LINGO2: variants seen among roughly 807,000 people sequenced by gnomAD.
LINGO2 encodes the protein leucine rich repeat and Ig domain containing 2, also known as leucine-rich repeat and immunoglobulin-like domain-containing nogo receptor-interacting protein 2.
Under a neutral mutation model 30.6 loss-of-function variants are expected in LINGO2, and 14 were observed. The observed-to-expected ratio is 0.46, with a 90% CI of 0.30 to 0.72. LINGO2 has a LOEUF of 0.72. LINGO2 is among the 30% of genes least tolerant of loss of function. The pLI, the probability that LINGO2 is intolerant of heterozygous loss-of-function variation, is 0.07. For synonymous variants in LINGO2, 317 were observed against 288.5 expected (o/e 1.10, Z -1.00); for missense variants, 729 against 751.7 (o/e 0.97, Z 0.35).
At chr9:28,140,831 C>T (rs1827651653) in intron 4 of LINGO2, among the ~76,000 whole-genome samples, 1 of 151,970 alleles carries the variant, frequency 6.6e-6, no homozygotes, top group Non-Finnish European at 1.5e-5. Context: ...CTCTAATGTC[C>T]TGTACAGGTC....
At chr9:28,277,859 A>AC (rs1430859936) in intron 4 of LINGO2, among the ~76,000 whole-genome samples, 3 of 151,840 alleles carry the variant, frequency 2.0e-5, no homozygotes, top group South Asian at 2.1e-4. Context: ...ACAAAAAAAA[A>AC]AACAACTAGA....
the LINGO2 span, among the ~76,000 whole-genome samples, chr9:28,791,731 A>G: frequency 6.6e-6 from 1 of 151,934 alleles, no homozygotes; most frequent in East Asian, 1.9e-4. Context: ...ATTAATAAAA[A>G]TTTTACTGAA....
intron 5 of LINGO2, among the ~76,000 whole-genome samples, chr9:27,993,671 G>C (rs1563891346): frequency 6.6e-6 from 1 of 151,926 alleles, no homozygotes; most frequent in African/African-American, 2.4e-5. Flanking sequence ...GTTAATAATT[G>C]GTAATTTATT....
chr9:28,289,855 A>G (rs1823653282), intron 4 of LINGO2, among the ~76,000 whole-genome samples: 1 of 152,186 alleles, frequency 6.6e-6, no homozygotes, highest in South Asian at 2.1e-4. Context: ...ACCAGGAAGC[A>G]GGACAAAGAG....
the LINGO2 span, among the ~76,000 whole-genome samples, chr9:28,809,766 C>G: frequency 7.7e-6 from 1 of 130,452 alleles, no homozygotes; most frequent in African/African-American, 2.8e-5. Context: ...AAAAAAAAAG[C>G]TTGGATGATT....
chr9:28,321,723 A>G (rs182732863), intron 3 of LINGO2, among the ~76,000 whole-genome samples: 1 of 152,300 alleles, frequency 6.6e-6, no homozygotes, highest in African/African-American at 2.4e-5. Context: ...TTCATTGTTG[A>G]TCTGCCTTAT....
At chr9:28,445,346 T>C (rs761661005) in intron 2 of LINGO2, among the ~76,000 whole-genome samples, 1 of 152,166 alleles carries the variant, frequency 6.6e-6, no homozygotes. Flanking sequence ...CTACACCTCA[T>C]CCTGACCACC....
intron 4 of LINGO2, among the ~76,000 whole-genome samples, chr9:28,169,481 A>G (rs1828521881): frequency 6.6e-6 from 1 of 152,234 alleles, no homozygotes; most frequent in South Asian, 2.1e-4. Context: ...TAACCTATCA[A>G]TAAGGATAGG....
Position 27,950,723 on chromosome 9 carries a change from C to G in LINGO2, c.-35-17G>C, listed in dbSNP as rs1425714665. 1 of 1,399,808 alleles carries G rather than the reference C, an allele frequency of 7.1e-7. No individual in the cohort carries two copies. Among genetic ancestry groups the G allele is most frequent in the Non-Finnish European group, 9.4e-7 (1 of 1,059,376 alleles). 86.7% of individuals were successfully genotyped at this position (1,399,808 alleles called of 1,614,324 possible). ...GTCACGGGTCTGCATGGAAGGGACA[C>G]AAGAAGGGAGGAAGAGAAGGTGAGT... is the stretch of plus-strand genomic sequence containing the variant. On this transcript the variant is annotated splice_polypyrimidine_tract_variant and intron_variant, in intron 5 of 5. Transcript: ENST00000379992.
chr9:28,563,650 T>C (rs1477668076), intron 1 of LINGO2, among the ~76,000 whole-genome samples: 8 of 152,146 alleles, frequency 5.3e-5, no homozygotes, highest in Admixed American at 4.6e-4. Context: ...TTTTTCTTAA[T>C]TGATGAGTGC....
intron 1 of LINGO2, among the ~76,000 whole-genome samples, chr9:28,618,540 G>C (rs1408053977): frequency 6.6e-6 from 1 of 152,084 alleles, no homozygotes; most frequent in African/African-American, 2.4e-5. Context: ...ACTCTCTAGT[G>C]ATTCTTCATC....
chr9:28,461,168 T>C (rs1307901447), intron 2 of LINGO2, among the ~76,000 whole-genome samples: 1 of 152,176 alleles, frequency 6.6e-6, no homozygotes, highest in Non-Finnish European at 1.5e-5. Context: ...GTACTGGAAA[T>C]TGAAGTTGAT....
At chr9:28,492,122 T>C (rs1826418236) in intron 1 of LINGO2, among the ~76,000 whole-genome samples, 1 of 152,214 alleles carries the variant, frequency 6.6e-6, no homozygotes, top group African/African-American at 2.4e-5. Flanking sequence ...TTTCAGCTTT[T>C]GCTCTCTCTC....
chr9:28,371,464 G>A (rs1430772537), intron 3 of LINGO2, among the ~76,000 whole-genome samples: 2 of 152,146 alleles, frequency 1.3e-5, no homozygotes, highest in Non-Finnish European at 2.9e-5. Context: ...TCTGAGAGGG[G>A]CAAGGTAACT....
chr9:29,008,917 A>C, the LINGO2 span, among the ~76,000 whole-genome samples: 1 of 152,226 alleles, frequency 6.6e-6, no homozygotes, highest in South Asian at 2.1e-4. Flanking sequence ...ATATAAACAG[A>C]ACCAAAGACA....
At chr9:27,995,303 C>G (rs1433469266) in intron 5 of LINGO2, among the ~76,000 whole-genome samples, 1 of 152,064 alleles carries the variant, frequency 6.6e-6, no homozygotes, top group African/African-American at 2.4e-5. Context: ...CTGAATTCCA[C>G]CAAATATTTA....
chr9:28,715,426 G>C, the LINGO2 span, among the ~76,000 whole-genome samples: 1 of 152,064 alleles, frequency 6.6e-6, no homozygotes, highest in Non-Finnish European at 1.5e-5. Context: ...CTGTTTTTCT[G>C]GGTAATGTAT....
chr9:28,381,979 T>A (rs997216757), intron 2 of LINGO2, among the ~76,000 whole-genome samples: 4 of 152,082 alleles, frequency 2.6e-5, no homozygotes, highest in African/African-American at 9.7e-5. Context: ...GATATTACAG[T>A]GTAAAGAGCC....
intron 3 of LINGO2, among the ~76,000 whole-genome samples, chr9:28,358,187 T>C (rs1005825221): frequency 6.6e-6 from 1 of 152,156 alleles, no homozygotes; most frequent in Non-Finnish European, 1.5e-5. Context: ...ACTATTTTAA[T>C]TGATTTACTT....
Sources: allele counts gnomAD v4.1 joint callset (sites outside exome capture counted in the v4.1 genomes callset), GRCh38; gene constraint gnomAD v4.1.1; transcripts MANE v1.5; gene names NCBI Gene and HGNC (gene_info 2026-07-23, HGNC 2026-07-21).